Variants in MRPL39 observed in about 807,000 individuals in gnomAD.
MRPL39 encodes large ribosomal subunit protein mL39.
In MRPL39, 35 loss-of-function variants were observed where a neutral mutation model predicts 44.5. The ratio of observed to expected loss-of-function variants is 0.79; its 90% confidence interval spans 0.60 to 1.04. The LOEUF is 1.04. Among genes scored for constraint, MRPL39 ranks in the 50% least tolerant of loss-of-function variants. The probability of loss-of-function intolerance (pLI) is 0.00; values close to 1 mark genes in which losing one functional copy is unlikely to be tolerated. For synonymous variants in MRPL39, 139 were observed against 136.1 expected, an observed-to-expected ratio of 1.02 and a Z score of -0.15; for missense variants, 433 against 413.5, an observed-to-expected ratio of 1.05 and a Z score of -0.41.
Position 25,592,857 on chromosome 21 carries a change from A to T in MRPL39, c.876T>A (p.Ser292Arg). ...AVHNLQPTQP[S>R]LIRRFQGVSL... ...ACACGCCCTGGAATCTTCGTATGAG[A>T]CTTGGCTGGGTGGGTTGAAGATTGT... The change falls in exon 8 of 10, where the codon AGT (serine) becomes AGA (arginine). Residue 292 changes from serine (S) to arginine (R), a missense_variant. Physicochemically the swap from Ser to Arg is moderately radical, Grantham distance 110 (BLOSUM62 -1). Coordinates refer to ENST00000352957, the MANE Select transcript of MRPL39 (RefSeq NM_017446.4). The T allele has an allele frequency of 6.2e-7, 1 of 1,612,898 alleles. No individual in the cohort carries two copies. Among genetic ancestry groups the T allele is most frequent in the Non-Finnish European group, 8.5e-7 (1 of 1,178,916 alleles).
intron 4 of MRPL39, among the ~76,000 whole-genome samples, chr21:25,600,124 T>A (rs1382692743): frequency 6.6e-6 from 1 of 152,082 alleles, no homozygotes; most frequent in African/African-American, 2.4e-5. Flanking sequence ...GCCATACAGA[T>A]TTCATACAGT....
chr21:25,598,313 T>C (rs2031419650), intron 5 of MRPL39, among the ~76,000 whole-genome samples: 1 of 151,616 alleles, frequency 6.6e-6, no homozygotes, highest in African/African-American at 2.4e-5. Flanking sequence ...AAAAGAAAAA[T>C]GCAAAAGCCA....
rs114929232 is a variant in MRPL39 at position 25,599,284 on chromosome 21, A to G, written c.588+515T>C. 3.4e-3 allele frequency among the ~76,000 whole-genome samples: 522 copies of G among 152,234 alleles called. 4 individuals are homozygous for G. Among genetic ancestry groups the G allele is most frequent in the African/African-American group, 0.012 (501 of 41,548 alleles). On this transcript the variant is annotated intron_variant, in intron 5 of 9. Coordinates refer to ENST00000352957, the MANE Select transcript of MRPL39 (RefSeq NM_017446.4). Reference sequence around the variant, plus strand: ...GATGCTTGAGTATTAGCTTTGTCAAAGTCTGATTCTTTAATTCACCCAGCT... The same window carrying G: ...GATGCTTGAGTATTAGCTTTGTCAAGGTCTGATTCTTTAATTCACCCAGCT...
At chr21:25,597,235 C>G in intron 6 of MRPL39, 67 bp downstream of exon 6, 1 of 1,056,418 alleles carries the variant, frequency 9.5e-7, no homozygotes, top group Non-Finnish European at 1.4e-6. Context: ...TTTTTAAGAC[C>G]TGAATTTTCT....
rs139539857 is a variant in MRPL39 at position 25,598,283 on chromosome 21, T to C, written c.589-869A>G. Among the ~76,000 whole-genome samples the C allele has an allele frequency of 3.6e-4, 55 of 152,038 alleles. No homozygotes were observed. In the East Asian group the frequency reaches 8.7e-3, roughly 24 times the overall value. On this transcript the variant is annotated intron_variant, in intron 5 of 9. Coordinates refer to ENST00000352957, the MANE Select transcript of MRPL39 (RefSeq NM_017446.4). Reference sequence around the variant, plus strand: ...CTGCAATCAGCTCACATATTTCTTTTGTAAGGTTTTATCTTTTAAAAAAGA... The same window carrying C: ...CTGCAATCAGCTCACATATTTCTTTCGTAAGGTTTTATCTTTTAAAAAAGA...
chr21:25,602,820 A>C (rs1357596572), intron 3 of MRPL39, among the ~76,000 whole-genome samples: 1 of 152,214 alleles, frequency 6.6e-6, no homozygotes, highest in Non-Finnish European at 1.5e-5. Context: ...GCATCAACAA[A>C]AGCAAGGTGG....
At chr21:25,597,669 AAATTTTATCCAAATTATAT>A (rs1356740903) in intron 5 of MRPL39, among the ~76,000 whole-genome samples, 3 of 152,202 alleles carry the variant, frequency 2.0e-5, no homozygotes, top group Non-Finnish European at 4.4e-5. Context: ...AACTATACAG[AAATTTTATCCAAATTATAT>A]AATTTCATCC....
chr21:25,607,312 G>T, intron 1 of MRPL39, 91 bp downstream of exon 1: 3 of 1,427,452 alleles, frequency 2.1e-6, no homozygotes, highest in Non-Finnish European at 2.0e-6. Flanking sequence ...CCTCTGCCCC[G>T]CGGGACCTCC....
chr21:25,604,959 T>C (rs1159078586), intron 2 of MRPL39, among the ~76,000 whole-genome samples: 1 of 152,220 alleles, frequency 6.6e-6, no homozygotes, highest in Non-Finnish European at 1.5e-5. Flanking sequence ...TAAAGCTCCT[T>C]AAGGGCCTGA....
chr21:25,597,474 C>A, intron 5 of MRPL39, 60 bp from the exon 6 acceptor site: 1 of 951,158 alleles, frequency 1.1e-6, no homozygotes, highest in Non-Finnish European at 1.6e-6. Context: ...TCTCCATAAG[C>A]CAGTTGAAAC....
At chr21:25,589,166 C>T (rs1465852852) in intron 8 of MRPL39, among the ~76,000 whole-genome samples, 1 of 152,088 alleles carries the variant, frequency 6.6e-6, no homozygotes, top group East Asian at 1.9e-4. Context: ...CACTTTTGCC[C>T]ATCTTAATCA....
At chr21:25,591,928 T>C (rs2031190931) in intron 8 of MRPL39, among the ~76,000 whole-genome samples, 1 of 152,172 alleles carries the variant, frequency 6.6e-6, no homozygotes, top group Non-Finnish European at 1.5e-5. Context: ...CTTTGATGGA[T>C]GAATGGTTAA....
intron 7 of MRPL39, among the ~76,000 whole-genome samples, chr21:25,593,552 C>T (rs540633741): frequency 3.3e-5 from 5 of 152,198 alleles, no homozygotes; most frequent in Non-Finnish European, 7.3e-5. Flanking sequence ...ACTAGTTAGT[C>T]AGTATTCATA....
intron 1 of MRPL39, 145 bp from the exon 2 acceptor site, chr21:25,606,800 C>T (rs2031690363): frequency 1.6e-6 from 1 of 639,638 alleles, no homozygotes; most frequent in African/African-American, 1.8e-5. Flanking sequence ...CGTGCCTCTA[C>T]TTTTAAATTT....
At position 25,588,868 on chromosome 21, in the gene MRPL39, TATTGTAAAATGTGCCTTG is replaced by T; in HGVS notation, c.922-4_935del. 4 of 1,613,062 alleles carry T rather than the reference TATTGTAAAATGTGCCTTG, an allele frequency of 2.5e-6. No individual in the cohort carries two copies. The highest frequency in any genetic ancestry group is 3.4e-6 in the Non-Finnish European group (4 of 1,179,412). ...GAGATCTTTCCAATAGCTTATCCCA[TATTGTAAAATGTGCCTTG>T]AAAAGAAAAGATTTGCGATGAACTA... On this transcript the variant is annotated splice_acceptor_variant and splice_polypyrimidine_tract_variant and coding_sequence_variant and intron_variant, in exon 9 of 10. Coordinates refer to ENST00000352957, the MANE Select transcript of MRPL39 (RefSeq NM_017446.4). LOFTEE classifies it high-confidence loss of function.
At chr21:25,607,323 C>A in intron 1 of MRPL39, 80 bp downstream of exon 1, 13 of 1,523,910 alleles carry the variant, frequency 8.5e-6, no homozygotes, top group Non-Finnish European at 1.2e-5. Flanking sequence ...CGGGACCTCC[C>A]CGGCCCCGCC....
chr21:25,589,175 C>T (rs188784440), intron 8 of MRPL39, among the ~76,000 whole-genome samples: 1 of 152,110 alleles, frequency 6.6e-6, no homozygotes. Context: ...CCATCTTAAT[C>T]ATTTCCATCA....
At chr21:25,593,386 C>T (rs4499512) in intron 7 of MRPL39, among the ~76,000 whole-genome samples, 119,168 of 152,136 alleles carry the variant, frequency 0.78, 46,853 homozygotes, top group Non-Finnish European at 0.82. Flanking sequence ...AAACAGGAGG[C>T]TGAGAAAATG....
intron 9 of MRPL39, among the ~76,000 whole-genome samples, chr21:25,588,604 C>T (rs1350233283): frequency 6.6e-6 from 1 of 152,180 alleles, no homozygotes. Context: ...TCAAGTTCTA[C>T]AATATCATTT....
Sources: allele counts gnomAD v4.1 joint callset (sites outside exome capture counted in the v4.1 genomes callset), GRCh38; gene constraint gnomAD v4.1.1; transcripts MANE v1.5; gene names NCBI Gene and HGNC (gene_info 2026-07-23, HGNC 2026-07-21).